Variants in ADAMTS17 observed in about 807,000 individuals in gnomAD.
The protein encoded by ADAMTS17 is ADAM metallopeptidase with thrombospondin type 1 motif 17.
Under a neutral mutation model 141.5 loss-of-function variants are expected in ADAMTS17, and 113 were observed. The ratio of observed to expected loss-of-function variants is 0.80; its 90% confidence interval spans 0.69 to 0.93. The LOEUF is 0.93. ADAMTS17 is among the 40% of genes least tolerant of loss of function. The pLI is 0.00. For synonymous variants in ADAMTS17, 768 were observed against 630.6 expected, an observed-to-expected ratio of 1.22 and a Z score of -3.27; for missense variants, 1,659 against 1,517.9, an observed-to-expected ratio of 1.09 and a Z score of -1.54.
chr15:100,301,531 G>A (rs945229193), intron 3 of ADAMTS17, among the ~76,000 whole-genome samples: 4 of 149,900 alleles, frequency 2.7e-5, no homozygotes, highest in African/African-American at 7.4e-5. Context: ...TAGAGACGGG[G>A]TTTCACTGTG....
rs977832045 is a variant in ADAMTS17, at chr15:100,254,295, C to G, written c.1032-116G>C. ...TGCAATGTTATTTTTCCAGTGGACA[C>G]AGGCCACAGCGAATGATAACAAACA... On this transcript the variant is annotated intron_variant, in intron 6 of 21. Coordinates refer to ENST00000268070, the MANE Select transcript of ADAMTS17 (RefSeq NM_139057.4). The G allele has an allele frequency of 1.9e-5, 17 of 917,882 alleles. No individual in the cohort carries two copies. In the East Asian group the frequency reaches 4.3e-4, roughly 23 times the overall value. The allele number at this position is 917,882 out of a possible 1,614,324, so 56.9% of individuals were successfully genotyped here.
At position 100,152,624 on chromosome 15, in the gene ADAMTS17, G is replaced by A; in HGVS notation, c.1461C>T (p.Cys487=). Residue 487 remains cysteine, a synonymous_variant, in exon 10 of 22, where the codon TGC becomes TGT. Transcript: ENST00000268070. ...QILFGMNATF[C]RNMEHLMCAG... ...CACGGCTGCTTACCTCCATGTTTCT[G>A]CAGAAGGTGGCATTCATGCCAAACA... 1 of 1,613,886 alleles carries A rather than the reference G, an allele frequency of 6.2e-7. No homozygotes were observed. The highest frequency in any genetic ancestry group is 8.5e-7 in the Non-Finnish European group (1 of 1,180,018).
chr15:100,327,435 G>A lies in ADAMTS17; in HGVS notation c.616+3454C>T, dbSNP rs376034751. On this transcript the variant is annotated intron_variant, in intron 3 of 21. Transcript: ENST00000268070. ...CAGCTGGAGGCATAATCACGTTCCA[G>A]TGAGCTCACCACCACTCAGCATGTT... 3.0e-4 allele frequency among the ~76,000 whole-genome samples: 45 copies of A among 152,308 alleles called. No individual in the cohort carries two copies. In the South Asian group the frequency reaches 9.1e-3, roughly 31 times the overall value.
intron 8 of ADAMTS17, among the ~76,000 whole-genome samples, chr15:100,165,323 A>G (rs1018202460): frequency 3.3e-5 from 5 of 152,222 alleles, no homozygotes; most frequent in Admixed American, 3.3e-4. Context: ...TGAAAGCAGC[A>G]TATGAGCACC....
intron 20 of ADAMTS17, among the ~76,000 whole-genome samples, chr15:99,988,364 CAT>C (rs1262459908): frequency 6.6e-6 from 1 of 152,104 alleles, no homozygotes; most frequent in Non-Finnish European, 1.5e-5. Flanking sequence ...CCTCTTTCAC[CAT>C]ATGACATGCC....
intron 18 of ADAMTS17, among the ~76,000 whole-genome samples, chr15:100,025,499 C>T (rs572781759): frequency 6.6e-6 from 1 of 151,628 alleles, no homozygotes; most frequent in African/African-American, 2.4e-5. Context: ...GCAACCTCCA[C>T]CCCCAGGGTT....
At chr15:100,249,287 C>T (rs566632684) in intron 7 of ADAMTS17, among the ~76,000 whole-genome samples, 7 of 152,298 alleles carry the variant, frequency 4.6e-5, no homozygotes, top group Non-Finnish European at 7.3e-5. Context: ...AATCTTCACC[C>T]GAAAGATCTG....
intron 7 of ADAMTS17, among the ~76,000 whole-genome samples, chr15:100,208,597 T>C (rs2041670883): frequency 6.6e-6 from 1 of 152,200 alleles, no homozygotes; most frequent in Non-Finnish European, 1.5e-5. Flanking sequence ...GCTGATATTG[T>C]CTTGTTTCTA....
chr15:100,056,185 A>G (rs1596312553), intron 15 of ADAMTS17, among the ~76,000 whole-genome samples: 1 of 152,246 alleles, frequency 6.6e-6, no homozygotes, highest in Non-Finnish European at 1.5e-5. Flanking sequence ...ACTTGGTTAT[A>G]TTAACTATAG....
At chr15:100,095,686 T>A (rs1276159737) in intron 15 of ADAMTS17, among the ~76,000 whole-genome samples, 1 of 152,182 alleles carries the variant, frequency 6.6e-6, no homozygotes, top group Non-Finnish European at 1.5e-5. Context: ...CTACAGACGC[T>A]TTCTTAAACA....
At chr15:100,002,612 G>C (rs1051354355) in intron 18 of ADAMTS17, among the ~76,000 whole-genome samples, 4 of 152,058 alleles carry the variant, frequency 2.6e-5, no homozygotes, top group Non-Finnish European at 5.9e-5. Flanking sequence ...GAGTCAAGAG[G>C]AACGTGGAAA....
At chr15:100,255,070 C>G (rs1008577515) in intron 6 of ADAMTS17, among the ~76,000 whole-genome samples, 1 of 152,166 alleles carries the variant, frequency 6.6e-6, no homozygotes, top group African/African-American at 2.4e-5. Context: ...TGGGTGGTAT[C>G]TGTGGACCAG....
intron 2 of ADAMTS17, among the ~76,000 whole-genome samples, chr15:100,336,376 G>A (rs1450622985): frequency 1.3e-5 from 2 of 152,202 alleles, no homozygotes; most frequent in East Asian, 3.8e-4. Flanking sequence ...GGCAGCCAGA[G>A]GCCTTAGAAC....
chr15:100,326,003 C>T lies in ADAMTS17; in HGVS notation c.616+4886G>A, dbSNP rs970585994. Among the ~76,000 whole-genome samples, 11 of 152,116 alleles carry T rather than the reference C, an allele frequency of 7.2e-5. No homozygotes were observed. The East Asian group carries it at 9.6e-4, about 13-fold the overall frequency. On this transcript the variant is annotated intron_variant, in intron 3 of 21. Coordinates refer to ENST00000268070, the MANE Select transcript of ADAMTS17 (RefSeq NM_139057.4). ...TAAATACCAACAAAACAATAAATTT[C>T]GGTTAAGCCCCTGGGTCTGTGCAGC...
intron 7 of ADAMTS17, among the ~76,000 whole-genome samples, chr15:100,221,834 G>A (rs1487698017): frequency 6.6e-6 from 1 of 152,180 alleles, no homozygotes. Flanking sequence ...CTGAAATAAG[G>A]CTGCTTGTTG....
chr15:100,208,209 G>A (rs1366434631), intron 7 of ADAMTS17, among the ~76,000 whole-genome samples: 1 of 152,194 alleles, frequency 6.6e-6, no homozygotes, highest in Non-Finnish European at 1.5e-5. Flanking sequence ...CACTGCTGCT[G>A]GTTCTGCTTA....
In ADAMTS17 at chr15:99,993,967, C is replaced by T. The variant is rs760942487; in HGVS notation, c.2797-767G>A. ...CAAGAAGGAGCGAAGAGGCAGGGGG[C>T]ATGACAGGGTGTCAACACAGCAGAC... On this transcript the variant is annotated intron_variant, in intron 19 of 21. Transcript: ENST00000268070. The surrounding 1 kb of genome is among the most constrained non-coding windows in gnomAD (Gnocchi z 4.3). Among the ~76,000 whole-genome samples the T allele has an allele frequency of 1.3e-4, 20 of 152,114 alleles. No individual in the cohort carries two copies. The highest frequency in any genetic ancestry group is 2.6e-4 in the Non-Finnish European group (18 of 68,018).
chr15:100,093,744 CCTCATG>C (rs1190216995), intron 15 of ADAMTS17, among the ~76,000 whole-genome samples: 7 of 152,212 alleles, frequency 4.6e-5, no homozygotes, highest in Non-Finnish European at 2.9e-5. Flanking sequence ...GCTGCCTCCA[CCTCATG>C]CTCACATAGG....
chr15:100,152,555 C>T, intron 10 of ADAMTS17, 57 bp downstream of exon 10: 4 of 1,601,504 alleles, frequency 2.5e-6, no homozygotes, highest in Non-Finnish European at 3.4e-6. Flanking sequence ...GCCAGACCTG[C>T]TGTGGGAGGG....
Sources: gnomAD v4.1 joint callset for allele counts (sites outside exome capture counted in the v4.1 genomes callset) on GRCh38, gnomAD v4.1.1 for gene constraint, Gnocchi (gnomAD v3.1) non-coding constraint, MANE v1.5 for transcripts, NCBI Gene and HGNC (gene_info 2026-07-23, HGNC 2026-07-21) for gene names.